The following OR9Q1 variants were observed in gnomAD, a reference collection of about 807,000 sequenced individuals.
OR9Q1 encodes olfactory receptor 9Q1.
For missense variants in OR9Q1, 374 were observed against 378.8 expected (o/e 0.99, Z 0.11); for synonymous variants, 153 against 148.6 (o/e 1.03, Z -0.22).
At chr11:58,138,559 G>A (rs1177422669) in intron 2 of OR9Q1, among the ~76,000 whole-genome samples, 1 of 152,176 alleles carries the variant, frequency 6.6e-6, no homozygotes, top group Non-Finnish European at 1.5e-5. Flanking sequence ...CACACAGCAT[G>A]CTGTTTCCAT....
intron 2 of OR9Q1, among the ~76,000 whole-genome samples, chr11:58,130,349 G>A (rs749098225): frequency 2.6e-4 from 40 of 152,102 alleles, no homozygotes; most frequent in South Asian, 6.2e-4. Flanking sequence ...GATACTTTTT[G>A]CCTACATAAT....
rs2119980934 is a variant in OR9Q1, at chr11:58,180,416, C to G, written c.*39C>G. 1 of 1,307,648 alleles carries G rather than the reference C, an allele frequency of 7.6e-7. No homozygotes were observed. The highest frequency in any genetic ancestry group is 1.1e-6 in the Non-Finnish European group (1 of 941,836). The allele number at this position is 1,307,648 out of a possible 1,614,324, so 81.0% of individuals were successfully genotyped here. A position where few individuals can be genotyped will look rare whatever the true frequency, so the allele number is the denominator to read the frequency against. On this transcript the variant is annotated 3_prime_UTR_variant, in exon 3 of 3. Coordinates refer to ENST00000335397, the MANE Select transcript of OR9Q1 (RefSeq NM_001005212.4). ...TGGAAAATCCCGAGAACCACCTACT[C>G]TGTAGTGTCAGAATTCTGGACGCTC... is the stretch of plus-strand genomic sequence containing the variant.
At chr11:58,136,543 T>A (rs1048517578) in intron 2 of OR9Q1, among the ~76,000 whole-genome samples, 1 of 152,184 alleles carries the variant, frequency 6.6e-6, no homozygotes, top group East Asian at 1.9e-4. Context: ...TTGTTTTCCC[T>A]AATCTTAATC....
chr11:58,113,771 T>C (rs539272025), intron 2 of OR9Q1, among the ~76,000 whole-genome samples: 1 of 152,300 alleles, frequency 6.6e-6, no homozygotes, highest in South Asian at 2.1e-4. Context: ...AACTGAAGGC[T>C]GGGGAAGATA....
intron 2 of OR9Q1, chr11:58,109,000 A>G: frequency 2.4e-6 from 1 of 421,600 alleles, no homozygotes; most frequent in Non-Finnish European, 4.8e-6. Context: ...GGCTCTGATA[A>G]TGAGCATGTA....
chr11:58,079,583 G>A (rs1195080866), intron 2 of OR9Q1, among the ~76,000 whole-genome samples: 1 of 152,122 alleles, frequency 6.6e-6, no homozygotes, highest in Non-Finnish European at 1.5e-5. Flanking sequence ...CTTTGATAGA[G>A]TGTGGTGGAA....
At chr11:58,088,432 C>T (rs1853653866) in intron 2 of OR9Q1, among the ~76,000 whole-genome samples, 1 of 151,840 alleles carries the variant, frequency 6.6e-6, no homozygotes, top group Admixed American at 6.5e-5. Context: ...ATTTACAGTC[C>T]CATCAATAGT....
intron 2 of OR9Q1, among the ~76,000 whole-genome samples, chr11:58,155,964 A>G (rs1418966657): frequency 1.5e-5 from 2 of 137,710 alleles, no homozygotes; most frequent in African/African-American, 5.5e-5. Context: ...CCCTGGCTGG[A>G]GTGCAGTGGT....
intron 1 of OR9Q1, among the ~76,000 whole-genome samples, chr11:58,048,716 AAAAG>A (rs1449199793): frequency 9.1e-5 from 13 of 143,112 alleles, no homozygotes; most frequent in African/African-American, 2.3e-4. Flanking sequence ...GACTAATAAA[AAAAG>A]AGAGAAGAAT....
chr11:58,037,690 T>TATATAG (rs1232679301), intron 1 of OR9Q1, among the ~76,000 whole-genome samples: 176 of 9,334 alleles, frequency 0.019, 4 homozygotes, highest in Middle Eastern at 0.12. Flanking sequence ...TATATATATA[T>TATATAG]TTTTTTTTTT....
intron 2 of OR9Q1, among the ~76,000 whole-genome samples, chr11:58,153,019 G>A (rs1854369348): frequency 6.6e-6 from 1 of 152,192 alleles, no homozygotes; most frequent in Non-Finnish European, 1.5e-5. Context: ...CTGCCACCTG[G>A]TAGGCACTTA....
intron 2 of OR9Q1, among the ~76,000 whole-genome samples, chr11:58,137,342 C>T (rs999471298): frequency 5.3e-5 from 8 of 152,232 alleles, no homozygotes; most frequent in African/African-American, 1.9e-4. Flanking sequence ...TGATGGCCCT[C>T]CGGGGGTGCA....
intron 2 of OR9Q1, among the ~76,000 whole-genome samples, chr11:58,098,454 ATTGG>A (rs56787344): frequency 0.13 from 19,875 of 151,974 alleles, 2,073 homozygotes; most frequent in African/African-American, 0.25. Flanking sequence ...CATTTACATT[ATTGG>A]TAGTTATGCC....
At chr11:58,058,247 G>A (rs1189709996) in intron 2 of OR9Q1, among the ~76,000 whole-genome samples, 1 of 152,224 alleles carries the variant, frequency 6.6e-6, no homozygotes, top group Non-Finnish European at 1.5e-5. Context: ...CTGCCAGGTA[G>A]GCTTGGTAAG....
intron 2 of OR9Q1, among the ~76,000 whole-genome samples, chr11:58,142,273 G>A (rs539531051): frequency 6.6e-6 from 1 of 152,030 alleles, no homozygotes; most frequent in South Asian, 2.1e-4. Flanking sequence ...TGAGCATGAA[G>A]GCAGGACCCT....
At chr11:58,025,325 C>T (rs1314879997) in intron 1 of OR9Q1, among the ~76,000 whole-genome samples, 1 of 152,116 alleles carries the variant, frequency 6.6e-6, no homozygotes, top group Non-Finnish European at 1.5e-5. Context: ...CGCCGTGCTA[C>T]TATAGGGTGT....
chr11:58,126,553 C>T (rs1007144577), intron 2 of OR9Q1, among the ~76,000 whole-genome samples: 2 of 152,142 alleles, frequency 1.3e-5, no homozygotes, highest in Non-Finnish European at 2.9e-5. Context: ...ATTGCAGATG[C>T]CAGATGCCAG....
intron 2 of OR9Q1, among the ~76,000 whole-genome samples, chr11:58,146,943 C>T (rs117822811): frequency 0.014 from 2,150 of 152,208 alleles, 21 homozygotes; most frequent in Non-Finnish European, 0.022. Flanking sequence ...GACTTTATTT[C>T]AAAAGTAGAG....
intron 2 of OR9Q1, among the ~76,000 whole-genome samples, chr11:58,062,283 C>G (rs746589525): frequency 1.3e-5 from 2 of 152,164 alleles, no homozygotes; most frequent in Non-Finnish European, 2.9e-5. Context: ...CCTAGACAAA[C>G]AGAGTTTAGC....
Sources: gnomAD v4.1 joint callset for allele counts (sites outside exome capture counted in the v4.1 genomes callset) on GRCh38, gnomAD v4.1.1 for gene constraint, MANE v1.5 for transcripts, NCBI Gene and HGNC (gene_info 2026-07-23, HGNC 2026-07-21) for gene names.